Variants in DKK2 observed in about 807,000 individuals in gnomAD.
DKK2 encodes the protein dickkopf Wnt signaling pathway inhibitor 2, also known as dickkopf-related protein 2.
A neutral mutation model predicts 28.1 loss-of-function variants in DKK2; 11 were observed. The observed-to-expected ratio is 0.39, with a 90% CI of 0.25 to 0.65. The LOEUF (loss-of-function observed/expected upper bound fraction) is 0.65, where lower values mean the gene tolerates loss of function less well. Among genes scored for constraint, DKK2 ranks in the 30% least tolerant of loss-of-function variants. The pLI is 0.47. For synonymous variants in DKK2, 135 were observed against 126.5 expected (o/e 1.07, Z -0.45); for missense variants, 326 against 335.5 (o/e 0.97, Z 0.22).
At position 107,009,428 on chromosome 4, in the gene DKK2, G is replaced by A. The variant is rs956924104; in HGVS notation, c.222+25942C>T. Among the ~76,000 whole-genome samples, 13 of 152,064 alleles carry A rather than the reference G, an allele frequency of 8.5e-5. No homozygotes were observed. The East Asian group carries it at 1.5e-3, about 18-fold the overall frequency. On this transcript the variant is annotated intron_variant, in intron 1 of 3. Coordinates refer to ENST00000285311, the MANE Select transcript of DKK2 (RefSeq NM_014421.3). ...GCCGAGTGAGCTTGGAAAGAGGTAT[G>A]AGAGAATCTGCACTTTTTCTGTATT... is the stretch of plus-strand genomic sequence containing the variant.
At chr4:106,936,895 A>C (rs367925444) in intron 1 of DKK2, among the ~76,000 whole-genome samples, 1 of 150,786 alleles carries the variant, frequency 6.6e-6, no homozygotes, top group Non-Finnish European at 1.5e-5. Flanking sequence ...GAAATAAAAT[A>C]CTTTACAGAC....
chr4:107,032,291 A>G (rs561722984), intron 1 of DKK2, among the ~76,000 whole-genome samples: 1 of 152,200 alleles, frequency 6.6e-6, no homozygotes, highest in East Asian at 1.9e-4. Flanking sequence ...TTAAATTGAG[A>G]AATGTAACAC....
chr4:107,016,279 AAC>A (rs1464662244), intron 1 of DKK2, among the ~76,000 whole-genome samples: 4 of 151,916 alleles, frequency 2.6e-5, no homozygotes, highest in African/African-American at 9.7e-5. Context: ...ACATGAAGAA[AAC>A]ACAGTTAACG....
intron 1 of DKK2, among the ~76,000 whole-genome samples, chr4:106,983,208 A>T (rs1432164283): frequency 6.6e-6 from 1 of 151,798 alleles, no homozygotes; most frequent in Non-Finnish European, 1.5e-5. Flanking sequence ...TGAATCAATA[A>T]AATATTGTCA....
chr4:106,965,277 A>G (rs1405465669), intron 1 of DKK2, among the ~76,000 whole-genome samples: 1 of 152,130 alleles, frequency 6.6e-6, no homozygotes, highest in African/African-American at 2.4e-5. Context: ...CCAGATAATT[A>G]ATATTTTATA....
chr4:106,998,759 T>C (rs993869928), intron 1 of DKK2, among the ~76,000 whole-genome samples: 1 of 152,150 alleles, frequency 6.6e-6, no homozygotes, highest in African/African-American at 2.4e-5. Flanking sequence ...TTTATTTGTG[T>C]TAATTATAGA....
chr4:106,984,467 G>A (rs1036720138), intron 1 of DKK2, among the ~76,000 whole-genome samples: 10 of 152,200 alleles, frequency 6.6e-5, no homozygotes, highest in African/African-American at 2.4e-4. Flanking sequence ...GGTTTATTTC[G>A]CTCAGCATAA....
intron 1 of DKK2, among the ~76,000 whole-genome samples, chr4:106,938,451 A>G (rs1399974854): frequency 1.3e-5 from 2 of 152,194 alleles, no homozygotes; most frequent in African/African-American, 4.8e-5. Flanking sequence ...GACCAATAAC[A>G]GGATCTGAAA....
intron 1 of DKK2, among the ~76,000 whole-genome samples, chr4:107,026,684 C>T (rs1055701814): frequency 1.3e-5 from 2 of 152,018 alleles, no homozygotes; most frequent in Non-Finnish European, 2.9e-5. Context: ...ATTGTTATAG[C>T]TTTAATTAAT....
intron 1 of DKK2, among the ~76,000 whole-genome samples, chr4:107,003,762 G>A (rs559810636): frequency 3.9e-5 from 6 of 152,242 alleles, no homozygotes; most frequent in South Asian, 2.1e-4. Flanking sequence ...CGGGTCCAGC[G>A]TCATCACATC....
chr4:106,924,805 GTATC>G (rs1188060018), intron 2 of DKK2, 105 bp from the exon 3 acceptor site: 75 of 1,115,164 alleles, frequency 6.7e-5, no homozygotes, highest in South Asian at 1.4e-4. Context: ...ATCTATCTGT[GTATC>G]TATCTATCTA....
intron 1 of DKK2, among the ~76,000 whole-genome samples, chr4:106,976,926 C>T (rs1055363950): frequency 6.6e-6 from 1 of 152,104 alleles, no homozygotes; most frequent in Non-Finnish European, 1.5e-5. Context: ...TCTTGTAAGG[C>T]AGGCCCGATG....
intron 1 of DKK2, among the ~76,000 whole-genome samples, chr4:107,021,722 C>A (rs777520575): frequency 6.6e-6 from 1 of 152,104 alleles, no homozygotes; most frequent in Non-Finnish European, 1.5e-5. Context: ...TAGAATCAGA[C>A]CTTCTCAGGG....
intron 1 of DKK2, among the ~76,000 whole-genome samples, chr4:106,950,181 ATTTCTT>A (rs1724838032): frequency 6.6e-6 from 1 of 152,184 alleles, no homozygotes. Context: ...ATGCTACTTT[ATTTCTT>A]TTTAACAACA....
At chr4:106,962,199 A>G (rs1722696804) in intron 1 of DKK2, among the ~76,000 whole-genome samples, 1 of 152,150 alleles carries the variant, frequency 6.6e-6, no homozygotes, top group Non-Finnish European at 1.5e-5. Flanking sequence ...AGATTCGTCC[A>G]TATTTCATTA....
At chr4:107,026,409 T>C (rs1183387470) in intron 1 of DKK2, among the ~76,000 whole-genome samples, 1 of 152,184 alleles carries the variant, frequency 6.6e-6, no homozygotes, top group Non-Finnish European at 1.5e-5. Context: ...AAATATATAC[T>C]GTTTAAAATA....
intron 1 of DKK2, among the ~76,000 whole-genome samples, chr4:107,005,340 CAAA>C (rs35333301): frequency 3.1e-3 from 221 of 72,454 alleles, no homozygotes; most frequent in African/African-American, 0.01. Context: ...GACTTGGTCT[CAAA>C]AAAAAAAAAA....
intron 1 of DKK2, among the ~76,000 whole-genome samples, chr4:106,974,880 G>A (rs763671734): frequency 2.0e-5 from 3 of 152,146 alleles, no homozygotes; most frequent in Non-Finnish European, 2.9e-5. Flanking sequence ...CTGTGGATCT[G>A]TCATAAATAG....
At chr4:106,981,978 A>G (rs749199630) in intron 1 of DKK2, among the ~76,000 whole-genome samples, 1 of 152,180 alleles carries the variant, frequency 6.6e-6, no homozygotes, top group Non-Finnish European at 1.5e-5. Flanking sequence ...TATGTGCTCA[A>G]TAAATATTGG....
Sources: gnomAD v4.1 joint callset for allele counts (sites outside exome capture counted in the v4.1 genomes callset) on GRCh38, gnomAD v4.1.1 for gene constraint, MANE v1.5 for transcripts, NCBI Gene and HGNC (gene_info 2026-07-23, HGNC 2026-07-21) for gene names.